The following RS1 variants were observed in gnomAD, a reference collection of about 807,000 sequenced individuals.
The protein encoded by RS1 is retinoschisin.
Under a neutral mutation model 20.8 loss-of-function variants are expected in RS1, and 2 were observed. The observed-to-expected ratio is 0.10, with a 90% confidence interval of 0.04 to 0.30. The LOEUF (loss-of-function observed/expected upper bound fraction) is 0.30. Ranked by LOEUF, RS1 falls within the 10% of genes least tolerant of loss-of-function variation. RS1 has a pLI of 1.00. For synonymous variants in RS1, 70 were observed against 75.8 expected (o/e 0.92, Z 0.40); for missense variants, 151 against 189.8 (o/e 0.80, Z 1.20).
chrX:18,654,739 C>G (rs1928181339), intron 3 of RS1, among the ~76,000 whole-genome samples: 1 of 111,882 alleles, frequency 8.9e-6, no homozygotes, highest in African/African-American at 3.3e-5. Context: ...CACCGGTTTC[C>G]TCACGATTGG....
chrX:18,652,521 T>C (rs962700355), intron 3 of RS1, among the ~76,000 whole-genome samples: 24 of 111,193 alleles, frequency 2.2e-4, no homozygotes, highest in African/African-American at 7.9e-4. Context: ...ATACAAAAAT[T>C]AGCCGAGCGC....
At chrX:18,669,487 C>CAAAAAAAAAAAAAAAAAAAAAAAAA (rs386416704) in intron 1 of RS1, among the ~76,000 whole-genome samples, 1 of 58,898 alleles carries the variant, frequency 1.7e-5, no homozygotes, top group Non-Finnish European at 2.8e-5. Flanking sequence ...GTGAAATTCT[C>CAAAAAAAAAAAAAAAAAAAAAAAAA]AAAAAAAAAA....
At position 18,664,714 on chromosome X, in the gene RS1, G is replaced by GTAT. The variant is rs769962994; in HGVS notation, c.53-7052_53-7050dup. ...ATTATTATTGTTGTTATTATTAGTA[G>GTAT]TATTATTATTATTATTTTGAGACAG... On this transcript the variant is annotated intron_variant, in intron 1 of 5. Coordinates refer to ENST00000379984, the MANE Select transcript of RS1 (RefSeq NM_000330.4). Among the ~76,000 whole-genome samples the GTAT allele has an allele frequency of 5.9e-3, 650 of 110,286 alleles. 5 individuals are homozygous for GTAT. The highest frequency in any genetic ancestry group is 9.4e-3 in the Non-Finnish European group (495 of 52,830).
At chrX:18,661,835 T>G (rs1928315524) in intron 1 of RS1, among the ~76,000 whole-genome samples, 1 of 112,541 alleles carries the variant, frequency 8.9e-6, no homozygotes, top group Non-Finnish European at 1.9e-5. Context: ...TCCGCCAATG[T>G]GCTCCTCTCG....
intron 4 of RS1, among the ~76,000 whole-genome samples, chrX:18,645,331 C>A (rs1007339426): frequency 1.9e-4 from 21 of 110,956 alleles, no homozygotes; most frequent in African/African-American, 6.6e-4. Context: ...TATCCCACAC[C>A]TTTTCTAAAC....
At chrX:18,671,936 G>C in intron 1 of RS1, 81 bp downstream of exon 1, 1 of 802,611 alleles carries the variant, frequency 1.2e-6, no homozygotes, top group Non-Finnish European at 1.9e-6. Flanking sequence ...TATTATTCAG[G>C]CTATATTCCT....
At chrX:18,647,162 A>G in intron 4 of RS1, 29 bp downstream of exon 4, 5 of 1,208,099 alleles carry the variant, frequency 4.1e-6, no homozygotes, top group Non-Finnish European at 5.6e-6. Flanking sequence ...TTAAAAGCAC[A>G]TGAAAAAAAA....
chrX:18,644,596 C>G lies in RS1; in HGVS notation c.356G>C (p.Ser119Thr). Reference sequence around the variant, plus strand: ...CAGATCTATCTGTAACCACTGGCTACTGTCCTGGAACTTGGAGAGCCAGGC... The same window carrying G: ...CAGATCTATCTGTAACCACTGGCTAGTGTCCTGGAACTTGGAGAGCCAGGC... Reference protein sequence around the residue: ...GCAWLSKFQDSSQWLQIDLKE... With the variant: ...GCAWLSKFQDTSQWLQIDLKE... Residue 119 changes from serine to threonine, a missense_variant, in exon 5 of 6, where the codon AGT becomes ACT. Transcript: ENST00000379984. The G allele has an allele frequency of 2.5e-6, 3 of 1,211,737 alleles. No individual in the cohort carries two copies. Among genetic ancestry groups the G allele is most frequent in the Non-Finnish European group, 3.4e-6 (3 of 895,426 alleles).
intron 1 of RS1, among the ~76,000 whole-genome samples, chrX:18,671,787 T>A (rs1419150309): frequency 2.7e-5 from 3 of 112,095 alleles, no homozygotes; most frequent in Non-Finnish European, 5.6e-5. Context: ...AGACCCATCC[T>A]GTTTTCTGTT....
Position 18,647,337 on chromosome X carries a change from G to A in RS1, c.185-5C>T. The A allele has an allele frequency of 8.3e-7, 1 of 1,210,021 alleles. No individual in the cohort carries two copies. The highest frequency in any genetic ancestry group is 1.1e-6 in the Non-Finnish European group (1 of 894,644). On this transcript the variant is annotated splice_polypyrimidine_tract_variant and splice_region_variant and intron_variant, in intron 3 of 5. Transcript: ENST00000379984. ...GAGGCTTGTGATATGGGCATTCTGG[G>A]AAAGGAAAAAGAATTCACATTCACA... is the stretch of plus-strand genomic sequence containing the variant.
intron 3 of RS1, among the ~76,000 whole-genome samples, chrX:18,650,870 G>T (rs1380953039): frequency 8.9e-6 from 1 of 112,302 alleles, no homozygotes; most frequent in Non-Finnish European, 1.9e-5. Flanking sequence ...TCTGTGAAAT[G>T]GGGGCATGAT....
intron 3 of RS1, among the ~76,000 whole-genome samples, chrX:18,652,977 A>G (rs1388586053): frequency 8.9e-6 from 1 of 112,849 alleles, no homozygotes; most frequent in Non-Finnish European, 1.9e-5. Context: ...TGCAGATCTA[A>G]AGAAACACAG....
At chrX:18,658,780 T>A (rs372577310) in intron 1 of RS1, among the ~76,000 whole-genome samples, 2 of 103,819 alleles carry the variant, frequency 1.9e-5, no homozygotes, top group Non-Finnish European at 2.0e-5. Context: ...TTATTAAATC[T>A]TCATCATCAT....
intron 3 of RS1, chrX:18,653,519 A>G (rs34166184): frequency 1.7e-6 from 2 of 1,211,892 alleles, no homozygotes; most frequent in East Asian, 5.9e-5. Context: ...ACATACCATG[A>G]GAATGCGGCA....
At chrX:18,658,108 T>C (rs1928251628) in intron 1 of RS1, among the ~76,000 whole-genome samples, 1 of 111,431 alleles carries the variant, frequency 9.0e-6, no homozygotes, top group East Asian at 2.8e-4. Context: ...AGGCGGAGGT[T>C]GCAGTGAGCC....
At position 18,672,055 on chromosome X, in the gene RS1, A is replaced by G. The variant is rs893326724; in HGVS notation, c.14T>C (p.Ile5Thr). 8.3e-7 allele frequency: 1 copy of G among 1,208,990 alleles called. No homozygotes were observed. Among genetic ancestry groups the G allele is most frequent in the African/African-American group, 1.8e-5 (1 of 57,032 alleles). Residue 5 changes from isoleucine to threonine, a missense_variant, in exon 1 of 6, where the codon ATA (isoleucine) becomes ACA (threonine). Transcript: ENST00000379984. MSRK[I>T]EGFLLLLLFG... The stretch of plus-strand genomic sequence containing the variant: ...GAGAAGTAATAACAAAAAGCCTTCT[A>G]TCTTGCGTGACATCTTCCCCTCGTC...
intron 3 of RS1, among the ~76,000 whole-genome samples, chrX:18,652,027 C>T (rs2147199761): frequency 9.1e-6 from 1 of 110,485 alleles, no homozygotes; most frequent in African/African-American, 3.3e-5. Context: ...TGCTACCTCC[C>T]CAGCACCCTT....
At chrX:18,661,379 G>A (rs1291042487) in intron 1 of RS1, among the ~76,000 whole-genome samples, 1 of 111,479 alleles carries the variant, frequency 9.0e-6, no homozygotes, top group Non-Finnish European at 1.9e-5. Context: ...CCAAACCCAC[G>A]GCAGTGTCTA....
chrX:18,668,099 A>G (rs972589242), intron 1 of RS1, among the ~76,000 whole-genome samples: 7 of 112,493 alleles, frequency 6.2e-5, no homozygotes, highest in Admixed American at 5.7e-4. Context: ...AACAAGAGAA[A>G]TATCTCAGCC....
Sources: allele counts gnomAD v4.1 joint callset (sites outside exome capture counted in the v4.1 genomes callset), GRCh38; gene constraint gnomAD v4.1.1; transcripts MANE v1.5; gene names NCBI Gene and HGNC (gene_info 2026-07-23, HGNC 2026-07-21).